The following CHD6 variants were observed in gnomAD, a reference collection of about 807,000 sequenced individuals.
The protein encoded by CHD6 is ATP-dependent chromatin remodeler CHD6.
CHD6 carries 50 observed loss-of-function variants against 276.9 expected under a neutral mutation model. That is an observed-to-expected ratio of 0.18 (90% CI 0.14 to 0.23). The LOEUF is 0.23. Ranked by LOEUF, CHD6 falls within the 10% of genes least tolerant of loss-of-function variation. CHD6 has a pLI of 1.00. For synonymous variants in CHD6, 1,173 were observed against 1,229.3 expected (o/e 0.95, Z 0.96); for missense variants, 2,564 against 3,365.8 (o/e 0.76, Z 5.89).
intron 11 of CHD6, among the ~76,000 whole-genome samples, chr20:41,490,880 AC>A (rs2043535789): frequency 6.6e-6 from 1 of 152,170 alleles, no homozygotes; most frequent in Non-Finnish European, 1.5e-5. Context: ...GCAGCAAACC[AC>A]CATGGCACAC....
chr20:41,416,579 C>T lies in CHD6; in HGVS notation c.6486+9G>A. The T allele has an allele frequency of 6.2e-7, 1 of 1,606,352 alleles. No homozygotes were observed. The highest frequency in any genetic ancestry group is 8.5e-7 in the Non-Finnish European group (1 of 1,176,298). On this transcript the variant is annotated intron_variant, in intron 33 of 36. Transcript: ENST00000373233. ...TTGTTTTGTGGTCACTCCATTCTTG[C>T]CGGCTCACCTTGTGGATCTGGGCCG...
chr20:41,452,366 C>A lies in CHD6; in HGVS notation c.3324-341G>T, dbSNP rs2048264220. Among the ~76,000 whole-genome samples, 1 of 152,192 alleles carries A rather than the reference C, an allele frequency of 6.6e-6. No individual in the cohort carries two copies. Among genetic ancestry groups the A allele is most frequent in the Non-Finnish European group, 1.5e-5 (1 of 68,034 alleles). On this transcript the variant is annotated intron_variant, in intron 21 of 36. Coordinates refer to ENST00000373233, the MANE Select transcript of CHD6 (RefSeq NM_032221.5). The surrounding 1 kb of genome is among the most constrained non-coding windows in gnomAD (Gnocchi z 4.2). The stretch of plus-strand genomic sequence containing the variant: ...CAATGATGAGCTCATGGCAGCTGAA[C>A]CTTTGATTTCTACCAGAGCCAAAGC...
At chr20:41,446,964 T>C (rs1046358715) in intron 24 of CHD6, among the ~76,000 whole-genome samples, 3 of 152,212 alleles carry the variant, frequency 2.0e-5, no homozygotes, top group Admixed American at 2.0e-4. Flanking sequence ...GGTGGAATTC[T>C]GCTGCATTTA....
chr20:41,454,248 T>A (rs1330375736), intron 20 of CHD6, among the ~76,000 whole-genome samples: 2 of 152,240 alleles, frequency 1.3e-5, no homozygotes, highest in African/African-American at 4.8e-5. Context: ...GCCAACAAAC[T>A]TTTGTCATGC....
chr20:41,440,960 G>C (rs138546418), intron 25 of CHD6, among the ~76,000 whole-genome samples: 14 of 152,234 alleles, frequency 9.2e-5, no homozygotes, highest in African/African-American at 3.4e-4. Flanking sequence ...TTTTGTTCTC[G>C]TATCACTGTT....
At position 41,415,627 on chromosome 20, in the gene CHD6, T is replaced by C; in HGVS notation, c.6498A>G (p.Leu2166=). ...GTTCATCCTTTGTGAATACTGGAGC[T>C]AAGAAGCTCTCCTGTGAACACACAA... is the stretch of plus-strand genomic sequence containing the variant. ...LAAQIHKESF[L]APVFTKDEQK... The change falls in exon 34 of 37, where the codon TTA becomes TTG. Residue 2166 remains leucine (L), a synonymous_variant. Coordinates refer to ENST00000373233, the MANE Select transcript of CHD6 (RefSeq NM_032221.5). 6.3e-7 allele frequency: 1 copy of C among 1,591,026 alleles called. No individual in the cohort carries two copies. The highest frequency in any genetic ancestry group is 8.5e-7 in the Non-Finnish European group (1 of 1,170,700).
At chr20:41,451,564 T>A (rs142068435) in intron 22 of CHD6, among the ~76,000 whole-genome samples, 3 of 151,324 alleles carry the variant, frequency 2.0e-5, no homozygotes, top group Non-Finnish European at 4.4e-5. Context: ...AGAGGGGGAG[T>A]CTGTGTGAGA....
At chr20:41,587,578 C>T (rs2045609148) in intron 1 of CHD6, among the ~76,000 whole-genome samples, 1 of 152,152 alleles carries the variant, frequency 6.6e-6, no homozygotes, top group Admixed American at 6.5e-5. Context: ...TGGTATGCAG[C>T]CTCAGAAAAT....
intron 3 of CHD6, among the ~76,000 whole-genome samples, chr20:41,520,686 G>GGGAGGGA (rs2044371027): frequency 3.1e-5 from 4 of 128,602 alleles, no homozygotes; most frequent in East Asian, 5.3e-4. Context: ...CGGGGGAGGG[G>GGGAGGGA]GGAGGGATAG....
At chr20:41,492,522 T>A (rs2043579764) in intron 10 of CHD6, among the ~76,000 whole-genome samples, 1 of 152,176 alleles carries the variant, frequency 6.6e-6, no homozygotes. Context: ...TGGATAACAG[T>A]TTTTCATATA....
chr20:41,499,674 C>CT lies in CHD6; in HGVS notation c.853-318dup, dbSNP rs1482532126. Among the ~76,000 whole-genome samples the CT allele has an allele frequency of 3.3e-5, 5 of 152,252 alleles. No individual in the cohort carries two copies. In the East Asian group the frequency reaches 9.7e-4, roughly 29 times the overall value. ...TCTTTGCAAAACTACCTACATGTTG[C>CT]TGCATACAATTTTCAGAAAGCTCTA... On this transcript the variant is annotated intron_variant, in intron 5 of 36. Transcript: ENST00000373233.
Position 41,538,162 on chromosome 20 carries a change from C to T in CHD6, c.34-4592G>A, listed in dbSNP as rs370937598. Among the ~76,000 whole-genome samples the T allele has an allele frequency of 1.4e-3, 218 of 152,184 alleles. 2 individuals carry two copies. The highest frequency in any genetic ancestry group is 5.1e-3 in the African/African-American group (211 of 41,522). On this transcript the variant is annotated intron_variant, in intron 2 of 36. Transcript: ENST00000373233. Reference sequence around the variant, plus strand: ...GGTCAGGAGTTCAAGACCAGCCAGGCCAACATGGTGAAACTCCCTATCTAC... The same window carrying T: ...GGTCAGGAGTTCAAGACCAGCCAGGTCAACATGGTGAAACTCCCTATCTAC...
chr20:41,551,207 G>A, intron 2 of CHD6, 98 bp downstream of exon 2: 1 of 786,220 alleles, frequency 1.3e-6, no homozygotes, highest in East Asian at 2.6e-5. Context: ...GAAAGTACCA[G>A]AGATTAAGGG....
Position 41,416,526 on chromosome 20 carries a change from C to T in CHD6, c.6486+62G>A, listed in dbSNP as rs2047001252. ...ATACTTGCTGAATGAATGAACTCAA[C>T]AGAGACGTGGAACACGCCCACCATT... On this transcript the variant is annotated intron_variant, in intron 33 of 36. Transcript: ENST00000373233. 5.5e-6 allele frequency: 8 copies of T among 1,467,678 alleles called. No homozygotes were observed. In the South Asian group the frequency reaches 8.8e-5, roughly 16 times the overall value. 90.9% of individuals were successfully genotyped at this position (1,467,678 alleles called of 1,614,324 possible).
intron 3 of CHD6, among the ~76,000 whole-genome samples, chr20:41,525,735 ATTTC>A (rs536489710): frequency 1.3e-5 from 2 of 152,128 alleles, no homozygotes; most frequent in Non-Finnish European, 2.9e-5. Context: ...TCATCTATTA[ATTTC>A]TTTAATAACT....
chr20:41,462,031 G>A (rs563210358), intron 17 of CHD6: 2 of 152,272 alleles, frequency 1.3e-5, no homozygotes, highest in Admixed American at 1.3e-4. Context: ...AAAACTTACA[G>A]ACAACAATCT....
intron 1 of CHD6, among the ~76,000 whole-genome samples, chr20:41,597,534 C>T (rs1159045479): frequency 6.6e-6 from 1 of 152,022 alleles, no homozygotes; most frequent in Non-Finnish European, 1.5e-5. Context: ...AGGGAAAGCT[C>T]GAACCCACCT....
chr20:41,618,221 T>C (rs1421946005), intron 1 of CHD6, 119 bp downstream of exon 1: 3 of 151,114 alleles, frequency 2.0e-5, no homozygotes, highest in African/African-American at 7.3e-5. Flanking sequence ...CAGCCCCTCA[T>C]CCCGGCTCCA....
chr20:41,555,413 G>T (rs2045216327), intron 1 of CHD6, among the ~76,000 whole-genome samples: 1 of 144,508 alleles, frequency 6.9e-6, no homozygotes, highest in African/African-American at 2.6e-5. Flanking sequence ...GCAGGGGGCT[G>T]ACCCCCACCT....
Sources: allele counts gnomAD v4.1 joint callset (sites outside exome capture counted in the v4.1 genomes callset), GRCh38; gene constraint gnomAD v4.1.1; non-coding constraint Gnocchi (gnomAD v3.1); transcripts MANE v1.5; gene names NCBI Gene and HGNC (gene_info 2026-07-23, HGNC 2026-07-21).